GNG12: variants seen among roughly 807,000 people sequenced by gnomAD.
GNG12 encodes G protein subunit gamma 12, also known as guanine nucleotide-binding protein G(I)/G(S)/G(O) subunit gamma-12.
For missense variants in GNG12, 69 were observed against 83.8 expected, an observed-to-expected ratio of 0.82 and a Z score of 0.69; for synonymous variants, 28 against 29.7, an observed-to-expected ratio of 0.94 and a Z score of 0.19.
At position 67,821,343 on chromosome 1, in the gene GNG12, A is replaced by AT. The variant is rs199550591; in HGVS notation, c.-77+12000_-77+12001insA. Among the ~76,000 whole-genome samples the AT allele has an allele frequency of 7.1e-4, 108 of 152,166 alleles. 1 individual carries two copies. Among genetic ancestry groups the AT allele is most frequent in the Non-Finnish European group, 1.6e-4 (11 of 67,998 alleles). On this transcript the variant is annotated intron_variant, in intron 1 of 3. Transcript: ENST00000370982. ...AGATGCAGCAAAAACAAAAACAAAA[A>AT]AAAACATCAGAGAGATCCCAAGCAC... is the stretch of plus-strand genomic sequence containing the variant.
chr1:67,830,002 CTTTT>C (rs35214495), intron 1 of GNG12, among the ~76,000 whole-genome samples: 3 of 117,374 alleles, frequency 2.6e-5, no homozygotes, highest in African/African-American at 3.3e-5. Context: ...AAGATGGAGG[CTTTT>C]TTTTTTTTTT....
chr1:67,703,089 T>C lies in GNG12; in HGVS notation c.*2362A>G, dbSNP rs1646225095. 1 of 152,150 alleles carries C rather than the reference T, an allele frequency of 6.6e-6. No homozygotes were observed. Among genetic ancestry groups the C allele is most frequent in the African/African-American group, 2.4e-5 (1 of 41,444 alleles). The allele number at this position is 152,150 out of a possible 1,614,324, so 9.4% of individuals were successfully genotyped here. On this transcript the variant is annotated 3_prime_UTR_variant, in exon 4 of 4. Coordinates refer to ENST00000370982, the MANE Select transcript of GNG12 (RefSeq NM_018841.6). ...ACATAGACGTCTAGTTATAAGTAAA[T>C]CAACATTTAGCTACAACTTTTCCTC...
chr1:67,735,148 G>A (rs541470768), intron 2 of GNG12, among the ~76,000 whole-genome samples: 2 of 152,218 alleles, frequency 1.3e-5, no homozygotes, highest in East Asian at 1.9e-4. Flanking sequence ...GAGCCACCGC[G>A]CCTGGCCTCA....
At chr1:67,745,225 T>C (rs1363303295) in intron 2 of GNG12, among the ~76,000 whole-genome samples, 1 of 152,202 alleles carries the variant, frequency 6.6e-6, no homozygotes, top group African/African-American at 2.4e-5. Context: ...ACAGAAAATT[T>C]ATATAAATCA....
chr1:67,718,480 T>C (rs890230781), intron 2 of GNG12, among the ~76,000 whole-genome samples: 1 of 152,230 alleles, frequency 6.6e-6, no homozygotes, highest in Non-Finnish European at 1.5e-5. Context: ...AAATATTCTA[T>C]ACTTGCAGCA....
At chr1:67,708,494 T>C (rs1646263101) in intron 2 of GNG12, among the ~76,000 whole-genome samples, 1 of 152,218 alleles carries the variant, frequency 6.6e-6, no homozygotes, top group African/African-American at 2.4e-5. Context: ...TGTTCGTGGA[T>C]TGATTCTCCT....
chr1:67,708,811 T>C (rs527839817), intron 2 of GNG12, among the ~76,000 whole-genome samples: 3 of 152,128 alleles, frequency 2.0e-5, no homozygotes, highest in Admixed American at 6.5e-5. Flanking sequence ...CGGCGCTATG[T>C]GAGGGCTCAG....
intron 2 of GNG12, among the ~76,000 whole-genome samples, chr1:67,759,849 T>G (rs145441883): frequency 6.6e-6 from 1 of 152,344 alleles, no homozygotes; most frequent in East Asian, 1.9e-4. Context: ...CACTCTGCTT[T>G]GTGTTGACTA....
At chr1:67,790,911 G>C (rs986525940) in intron 1 of GNG12, among the ~76,000 whole-genome samples, 1 of 152,142 alleles carries the variant, frequency 6.6e-6, no homozygotes. Context: ...ACCATGCCCA[G>C]CCCATACTTT....
chr1:67,778,888 G>C (rs1646721685), intron 1 of GNG12, among the ~76,000 whole-genome samples: 1 of 152,158 alleles, frequency 6.6e-6, no homozygotes, highest in Non-Finnish European at 1.5e-5. Context: ...AGCAGTGATG[G>C]CAGATGGAAC....
At chr1:67,750,053 C>G (rs764031476) in intron 2 of GNG12, among the ~76,000 whole-genome samples, 1 of 152,064 alleles carries the variant, frequency 6.6e-6, no homozygotes, top group Admixed American at 6.6e-5. Flanking sequence ...CAGAAGGTAC[C>G]CACTGCCCAG....
At chr1:67,833,311 A>T (rs1016177203) in intron 1 of GNG12, 33 bp downstream of exon 1, 416 of 877,194 alleles carry the variant, frequency 4.7e-4, no homozygotes, top group Middle Eastern at 5.9e-4. Flanking sequence ...CGGGGACCCG[A>T]CTCACCACCC....
At chr1:67,813,045 C>T (rs1267747158) in intron 1 of GNG12, among the ~76,000 whole-genome samples, 1 of 152,182 alleles carries the variant, frequency 6.6e-6, no homozygotes, top group Non-Finnish European at 1.5e-5. Flanking sequence ...TGACGATGGC[C>T]CCTTTCTGTT....
chr1:67,821,950 G>A (rs553428230), intron 1 of GNG12, among the ~76,000 whole-genome samples: 5 of 151,888 alleles, frequency 3.3e-5, no homozygotes, highest in Admixed American at 6.6e-5. Flanking sequence ...GACTGAAACC[G>A]CAAACTCAAG....
At chr1:67,740,805 T>C (rs1415472191) in intron 2 of GNG12, among the ~76,000 whole-genome samples, 2 of 152,152 alleles carry the variant, frequency 1.3e-5, no homozygotes, top group Admixed American at 6.6e-5. Flanking sequence ...AGGCACCGTG[T>C]ATGAGGAAGC....
At chr1:67,787,061 G>GTC (rs1348635161) in intron 1 of GNG12, among the ~76,000 whole-genome samples, 37 of 149,954 alleles carry the variant, frequency 2.5e-4, no homozygotes, top group African/African-American at 9.2e-4. Context: ...GTGTGTGTGT[G>GTC]TGTGTGTGTA....
intron 2 of GNG12, among the ~76,000 whole-genome samples, chr1:67,724,475 C>T (rs531613178): frequency 4.1e-4 from 63 of 152,276 alleles, no homozygotes; most frequent in African/African-American, 1.4e-3. Context: ...CTGCAACCTC[C>T]GCTTCCCAGG....
At chr1:67,721,737 T>C (rs1557596081) in intron 2 of GNG12, among the ~76,000 whole-genome samples, 1 of 152,200 alleles carries the variant, frequency 6.6e-6, no homozygotes. Context: ...AGGCAGAATA[T>C]TCCAAATTCC....
At chr1:67,755,093 T>C (rs1646560338) in intron 2 of GNG12, among the ~76,000 whole-genome samples, 1 of 152,254 alleles carries the variant, frequency 6.6e-6, no homozygotes, top group Non-Finnish European at 1.5e-5. Context: ...AACAGTTCTT[T>C]ATCTGTCCGC....
Sources: gnomAD v4.1 joint callset for allele counts (sites outside exome capture counted in the v4.1 genomes callset) on GRCh38, gnomAD v4.1.1 for gene constraint, MANE v1.5 for transcripts, NCBI Gene and HGNC (gene_info 2026-07-23, HGNC 2026-07-21) for gene names.